The following RXFP1 variants were observed in gnomAD, a reference collection of about 807,000 sequenced individuals.
The protein encoded by RXFP1 is relaxin receptor 1.
Under a neutral mutation model 89.8 loss-of-function variants are expected in RXFP1, and 73 were observed. That is an observed-to-expected ratio of 0.81 (90% CI 0.67 to 0.99). The LOEUF (loss-of-function observed/expected upper bound fraction) is 0.99. Ranked by LOEUF, RXFP1 falls within the 50% of genes least tolerant of loss-of-function variation. RXFP1 has a pLI of 0.00. For synonymous variants in RXFP1, 277 were observed against 305.5 expected, an observed-to-expected ratio of 0.91 and a Z score of 0.97; for missense variants, 793 against 895.5, an observed-to-expected ratio of 0.89 and a Z score of 1.46.
intron 1 of RXFP1, among the ~76,000 whole-genome samples, chr4:158,561,980 G>A (rs1455253808): frequency 4.6e-5 from 7 of 151,942 alleles, no homozygotes; most frequent in South Asian, 2.1e-4. Context: ...CCAATAAAAC[G>A]TATTTTAAAT....
intron 15 of RXFP1, 176 bp from the exon 16 acceptor site, chr4:158,646,615 G>A (rs1771596792): frequency 7.1e-7 from 1 of 1,407,476 alleles, no homozygotes; most frequent in African/African-American, 1.4e-5. Context: ...GGTTACCAAA[G>A]AGAGTCTATG....
In RXFP1 at chr4:158,599,315, C is replaced by G. The variant is rs762667856; in HGVS notation, c.287-11C>G. The stretch of plus-strand genomic sequence containing the variant: ...ACTGTCATCATGCCTTACCACTTCC[C>G]CTTGATTCAGTGGTCGGTTCTGTGC... On this transcript the variant is annotated splice_polypyrimidine_tract_variant and intron_variant, in intron 3 of 17. Coordinates refer to ENST00000307765, the MANE Select transcript of RXFP1 (RefSeq NM_021634.4). 1.2e-6 allele frequency: 2 copies of G among 1,613,700 alleles called. No individual in the cohort carries two copies. Among genetic ancestry groups the G allele is most frequent in the Non-Finnish European group, 1.7e-6 (2 of 1,179,790 alleles).
At chr4:158,534,738 AC>A (rs891088483) in intron 1 of RXFP1, among the ~76,000 whole-genome samples, 1 of 151,750 alleles carries the variant, frequency 6.6e-6, no homozygotes, top group African/African-American at 2.4e-5. Flanking sequence ...TGTCAATGTC[AC>A]GGGCACATCA....
Position 158,617,134 on chromosome 4 carries a change from C to T in RXFP1, c.684C>T (p.Val228=). 1.2e-6 allele frequency: 2 copies of T among 1,603,324 alleles called. No homozygotes were observed. Among genetic ancestry groups the T allele is most frequent in the East Asian group, 4.5e-5 (2 of 44,236 alleles). The change falls in exon 9 of 18, where the codon GTC becomes GTT. Residue 228 remains valine (V), a synonymous_variant. Coordinates refer to ENST00000307765, the MANE Select transcript of RXFP1 (RefSeq NM_021634.4). ...TGTTTGTCTTTTCCTTTTTCAGAGT[C>T]CTGATGAATAACGTCCTCACCCGTT... The part of the protein sequence containing the change: ...FYGLNSLILL[V]LMNNVLTRLP...
chr4:158,599,299 A>C lies in RXFP1; in HGVS notation c.287-27A>C, dbSNP rs370119095. ...CTCTTCCTGGTCCCTCACTGTCATCATGCCTTACCACTTCCCCTTGATTCA... is the reference window on the plus strand; with the variant it reads ...CTCTTCCTGGTCCCTCACTGTCATCCTGCCTTACCACTTCCCCTTGATTCA... On this transcript the variant is annotated intron_variant, in intron 3 of 17. Coordinates refer to ENST00000307765, the MANE Select transcript of RXFP1 (RefSeq NM_021634.4). 2.5e-6 allele frequency: 4 copies of C among 1,613,372 alleles called. No homozygotes were observed. In the African/African-American group the frequency reaches 5.3e-5, roughly 22 times the overall value.
chr4:158,564,626 A>C (rs1753169126), intron 1 of RXFP1, among the ~76,000 whole-genome samples: 1 of 152,208 alleles, frequency 6.6e-6, no homozygotes, highest in Non-Finnish European at 1.5e-5. Flanking sequence ...ACTTAAAAAA[A>C]ATTGTGAACC....
At chr4:158,524,818 A>G (rs1196509862) in intron 1 of RXFP1, among the ~76,000 whole-genome samples, 1 of 141,434 alleles carries the variant, frequency 7.1e-6, no homozygotes, top group African/African-American at 2.6e-5. Context: ...TATTTCTTAA[A>G]TGATATCACT....
At chr4:158,646,420 G>T in intron 15 of RXFP1, 5 of 1,141,136 alleles carry the variant, frequency 4.4e-6, no homozygotes, top group Non-Finnish European at 4.6e-6. Context: ...GCAGAACCAA[G>T]TAATGCCATC....
chr4:158,527,105 A>G (rs936095), intron 1 of RXFP1, among the ~76,000 whole-genome samples: 134,455 of 152,136 alleles, frequency 0.88, 61,752 homozygotes, highest in East Asian at 1. Context: ...GAAACAGCAG[A>G]TAATCTGATA....
intron 17 of RXFP1, among the ~76,000 whole-genome samples, chr4:158,651,076 T>G (rs1039194618): frequency 6.6e-6 from 1 of 152,146 alleles, no homozygotes; most frequent in Non-Finnish European, 1.5e-5. Context: ...GTGAGCCATG[T>G]TCACACCACT....
chr4:158,590,728 C>A (rs1006216448), intron 2 of RXFP1, among the ~76,000 whole-genome samples: 12 of 152,096 alleles, frequency 7.9e-5, no homozygotes, highest in Admixed American at 6.5e-4. Flanking sequence ...ATAACCCATC[C>A]GATGTTTCCA....
chr4:158,548,764 T>C (rs1459805896), intron 1 of RXFP1, among the ~76,000 whole-genome samples: 1 of 152,230 alleles, frequency 6.6e-6, no homozygotes, highest in African/African-American at 2.4e-5. Flanking sequence ...TCTCTAAGAA[T>C]GTTGAAGATT....
chr4:158,599,444 G>T lies in RXFP1; in HGVS notation c.392+13G>T, dbSNP rs1424187647. On this transcript the variant is annotated intron_variant, in intron 4 of 17. Coordinates refer to ENST00000307765, the MANE Select transcript of RXFP1 (RefSeq NM_021634.4). Reference sequence around the variant, plus strand: ...ATGTGACTGCAATGTAAGTAGAAAAGAATTACTTCATCCTGACAGCTGGGT... The same window carrying T: ...ATGTGACTGCAATGTAAGTAGAAAATAATTACTTCATCCTGACAGCTGGGT... The T allele has an allele frequency of 6.2e-7, 1 of 1,607,052 alleles. No individual in the cohort carries two copies. Among genetic ancestry groups the T allele is most frequent in the Admixed American group, 1.7e-5 (1 of 59,858 alleles).
At chr4:158,632,514 T>A (rs1290791538) in intron 11 of RXFP1, among the ~76,000 whole-genome samples, 1 of 152,148 alleles carries the variant, frequency 6.6e-6, no homozygotes, top group Non-Finnish European at 1.5e-5. Context: ...TTTTCTTGTA[T>A]AAAAGAATCT....
chr4:158,538,497 C>A (rs1459223152), intron 1 of RXFP1, among the ~76,000 whole-genome samples: 1 of 152,090 alleles, frequency 6.6e-6, no homozygotes, highest in Admixed American at 6.5e-5. Flanking sequence ...CAGAGAGAAG[C>A]CAAAGGCATT....
chr4:158,647,326 C>A (rs1473411049), intron 16 of RXFP1, 125 bp downstream of exon 16: 2 of 740,320 alleles, frequency 2.7e-6, no homozygotes, highest in Admixed American at 6.1e-5. Context: ...CCAAATTATA[C>A]TCTGATATAA....
chr4:158,627,313 T>C (rs1197362041), intron 10 of RXFP1, among the ~76,000 whole-genome samples: 1 of 152,120 alleles, frequency 6.6e-6, no homozygotes, highest in Non-Finnish European at 1.5e-5. Context: ...AATCCAACTC[T>C]CCTATTCACA....
At chr4:158,533,281 T>A (rs192201595) in intron 1 of RXFP1, among the ~76,000 whole-genome samples, 1 of 152,184 alleles carries the variant, frequency 6.6e-6, no homozygotes, top group Non-Finnish European at 1.5e-5. Context: ...TCAGGAAAGT[T>A]TTTTTGTGCT....
intron 9 of RXFP1, among the ~76,000 whole-genome samples, chr4:158,618,846 G>T (rs1020669786): frequency 6.6e-6 from 1 of 151,830 alleles, no homozygotes; most frequent in Admixed American, 6.6e-5. Context: ...AATAAAAGTT[G>T]TAAAATTCAA....
Sources: gnomAD v4.1 joint callset for allele counts (sites outside exome capture counted in the v4.1 genomes callset) on GRCh38, gnomAD v4.1.1 for gene constraint, MANE v1.5 for transcripts, NCBI Gene and HGNC (gene_info 2026-07-23, HGNC 2026-07-21) for gene names.